Variants in SCAPER observed in about 807,000 individuals in gnomAD.
SCAPER encodes S-phase cyclin A associated protein in the ER.
A neutral mutation model predicts 182.2 loss-of-function variants in SCAPER; 98 were observed. The observed-to-expected ratio is 0.54, with a 90% CI of 0.46 to 0.64. SCAPER has a LOEUF of 0.64. Among genes scored for constraint, SCAPER ranks in the 30% least tolerant of loss-of-function variants. The pLI is 0.00. For synonymous variants in SCAPER, 605 were observed against 564.6 expected (o/e 1.07, Z -1.01); for missense variants, 1,432 against 1,690.0 (o/e 0.85, Z 2.68).
intron 10 of SCAPER, among the ~76,000 whole-genome samples, chr15:76,769,336 G>A (rs1301796020): frequency 1.3e-5 from 2 of 151,370 alleles, no homozygotes; most frequent in African/African-American, 4.9e-5. Flanking sequence ...CCAGCTACTC[G>A]GGAGGCTGAG....
At chr15:76,856,681 C>G (rs934449320) in intron 4 of SCAPER, among the ~76,000 whole-genome samples, 2 of 151,672 alleles carry the variant, frequency 1.3e-5, no homozygotes. Flanking sequence ...ATACTATATA[C>G]TTAAAAATAT....
chr15:76,814,186 TA>T (rs548615909), intron 5 of SCAPER, among the ~76,000 whole-genome samples: 4 of 152,074 alleles, frequency 2.6e-5, no homozygotes, highest in Admixed American at 6.6e-5. Flanking sequence ...AAATTCATAC[TA>T]TCCAAAGTGA....
At position 76,852,466 on chromosome 15, in the gene SCAPER, A is replaced by C. The variant is rs184049811; in HGVS notation, c.195+5343T>G. Among the ~76,000 whole-genome samples, 349 of 147,752 alleles carry C rather than the reference A, an allele frequency of 2.4e-3. 1 individual carries two copies. The highest frequency in any genetic ancestry group is 9.0e-3 in the African/African-American group (335 of 37,184). On this transcript the variant is annotated intron_variant, in intron 4 of 31. Transcript: ENST00000563290. ...TAAAACAATCCTCAGCAAATGCAAA[A>C]AGAACTGAAATCATACCAAACACAC...
chr15:76,351,839 A>G (rs1484501086), intron 30 of SCAPER, among the ~76,000 whole-genome samples: 1 of 152,226 alleles, frequency 6.6e-6, no homozygotes, highest in African/African-American at 2.4e-5. Context: ...TCTCTTGAGC[A>G]CAATTATTTA....
chr15:76,489,867 ATACCTCATAT>A (rs2052106960), intron 24 of SCAPER, among the ~76,000 whole-genome samples: 1 of 152,172 alleles, frequency 6.6e-6, no homozygotes, highest in South Asian at 2.1e-4. Context: ...AATATTTTAG[ATACCTCATAT>A]AAACAAAATC....
At chr15:76,799,093 AAT>A (rs1367308216) in intron 7 of SCAPER, among the ~76,000 whole-genome samples, 1 of 152,222 alleles carries the variant, frequency 6.6e-6, no homozygotes, top group Non-Finnish European at 1.5e-5. Flanking sequence ...TTGAGCTTGT[AAT>A]ATATAAATAA....
chr15:76,455,748 G>C (rs2048684529), intron 25 of SCAPER, among the ~76,000 whole-genome samples: 1 of 152,112 alleles, frequency 6.6e-6, no homozygotes, highest in Admixed American at 6.6e-5. Context: ...GTGGTGGTTT[G>C]CTGCACCTAT....
intron 27 of SCAPER, among the ~76,000 whole-genome samples, chr15:76,401,572 G>A (rs1258895075): frequency 1.3e-5 from 2 of 152,136 alleles, no homozygotes; most frequent in Non-Finnish European, 2.9e-5. Flanking sequence ...AGCAGCCTTT[G>A]ACAGCTCTAG....
intron 8 of SCAPER, among the ~76,000 whole-genome samples, chr15:76,779,605 T>C (rs955945747): frequency 6.6e-6 from 1 of 151,916 alleles, no homozygotes; most frequent in Non-Finnish European, 1.5e-5. Flanking sequence ...CAAATTCAAC[T>C]AAAAACTTTT....
At chr15:76,389,681 G>T (rs1397852743) in intron 27 of SCAPER, among the ~76,000 whole-genome samples, 1 of 151,492 alleles carries the variant, frequency 6.6e-6, no homozygotes, top group Admixed American at 6.6e-5. Flanking sequence ...AGCTGGGCGT[G>T]GTGGCGGGCG....
chr15:76,547,498 A>G (rs1409150398), intron 23 of SCAPER, among the ~76,000 whole-genome samples: 2 of 152,104 alleles, frequency 1.3e-5, no homozygotes, highest in Non-Finnish European at 2.9e-5. Context: ...GAATTTTTTT[A>G]GTTTAATATG....
intron 5 of SCAPER, among the ~76,000 whole-genome samples, chr15:76,840,260 T>C (rs1021169931): frequency 2.0e-5 from 3 of 151,772 alleles, no homozygotes; most frequent in Non-Finnish European, 4.4e-5. Context: ...GCTACAAAAA[T>C]TTTTTTAAAA....
chr15:76,802,826 G>A (rs1360779376), intron 6 of SCAPER, among the ~76,000 whole-genome samples: 2 of 152,144 alleles, frequency 1.3e-5, no homozygotes, highest in Non-Finnish European at 2.9e-5. Flanking sequence ...AAGCAGCCTT[G>A]TAGCTCCATA....
intron 25 of SCAPER, chr15:76,470,997 T>C: frequency 8.5e-6 from 3 of 352,944 alleles, no homozygotes; most frequent in Admixed American, 4.5e-5. Context: ...CATTAAATAT[T>C]GGAACTTAAA....
At chr15:76,550,647 A>G (rs1299532564) in intron 23 of SCAPER, among the ~76,000 whole-genome samples, 1 of 152,234 alleles carries the variant, frequency 6.6e-6, no homozygotes, top group Non-Finnish European at 1.5e-5. Flanking sequence ...TAATGCTGCA[A>G]TAAACATACG....
intron 27 of SCAPER, among the ~76,000 whole-genome samples, chr15:76,382,405 TA>T (rs1410755960): frequency 1.1e-3 from 151 of 143,696 alleles, no homozygotes; most frequent in African/African-American, 1.3e-3. Context: ...TCACAGGTGT[TA>T]AAAAAAAAAA....
At chr15:76,769,718 G>T (rs1255332536) in intron 10 of SCAPER, among the ~76,000 whole-genome samples, 1 of 152,166 alleles carries the variant, frequency 6.6e-6, no homozygotes, top group Non-Finnish European at 1.5e-5. Context: ...CTGTTGGTGG[G>T]AGTGTAAATT....
chr15:76,773,653 A>G (rs911156466), intron 9 of SCAPER, among the ~76,000 whole-genome samples: 1 of 151,966 alleles, frequency 6.6e-6, no homozygotes, highest in African/African-American at 2.4e-5. Flanking sequence ...ACACAGGCAT[A>G]AAACCAATAC....
rs2045606605 is a variant in SCAPER, at chr15:76,549,796, T to C, written c.2838+24362A>G. 5.9e-5 allele frequency among the ~76,000 whole-genome samples: 9 copies of C among 152,060 alleles called. No homozygotes were observed. The South Asian group carries it at 1.5e-3, about 25-fold the overall frequency. On this transcript the variant is annotated intron_variant, in intron 23 of 31. Coordinates refer to ENST00000563290, the MANE Select transcript of SCAPER (RefSeq NM_020843.4). ...GAAACTAGACCCCTATCTCTCATCATATACAAAAATCAACTCAAAATGGAT... is the reference window on the plus strand; with the variant it reads ...GAAACTAGACCCCTATCTCTCATCACATACAAAAATCAACTCAAAATGGAT...
Sources: gnomAD v4.1 joint callset for allele counts (sites outside exome capture counted in the v4.1 genomes callset) on GRCh38, gnomAD v4.1.1 for gene constraint, MANE v1.5 for transcripts, NCBI Gene and HGNC (gene_info 2026-07-23, HGNC 2026-07-21) for gene names.